The following EDA variants were observed in gnomAD, a reference collection of about 807,000 sequenced individuals.
EDA encodes ectodysplasin-A.
A neutral mutation model predicts 23.6 loss-of-function variants in EDA; 2 were observed. The observed-to-expected ratio is 0.08, with a 90% confidence interval of 0.03 to 0.27. The LOEUF is 0.27. Among genes scored for constraint, EDA ranks in the 10% least tolerant of loss-of-function variants. The pLI is 1.00. For synonymous variants in EDA, 131 were observed against 132.0 expected (o/e 0.99, Z 0.05); for missense variants, 229 against 324.2 (o/e 0.71, Z 2.26).
intron 1 of EDA, among the ~76,000 whole-genome samples, chrX:69,758,791 G>A (rs903513540): frequency 9.0e-6 from 1 of 111,393 alleles, no homozygotes; most frequent in African/African-American, 3.3e-5. Flanking sequence ...AGCCGAGATC[G>A]CACCAGTGCA....
intron 1 of EDA, among the ~76,000 whole-genome samples, chrX:69,875,258 G>A (rs1194137486): frequency 8.9e-6 from 1 of 111,934 alleles, no homozygotes; most frequent in African/African-American, 3.2e-5. Context: ...CACCAAAACA[G>A]CATGGTGCTG....
intron 1 of EDA, among the ~76,000 whole-genome samples, chrX:69,906,587 A>T (rs757491846): frequency 8.9e-6 from 1 of 112,229 alleles, no homozygotes; most frequent in Admixed American, 9.5e-5. Context: ...TGTGAGTGAC[A>T]CAGAATGCTG....
chrX:69,965,729 T>C lies in EDA; in HGVS notation c.502+8597T>C, dbSNP rs748891739. ...GTTGAACATGTGCATGTTCTACCAG[T>C]TTAAAATAAACAGATAAAATTTAAT... is the stretch of plus-strand genomic sequence containing the variant. On this transcript the variant is annotated intron_variant, in intron 2 of 7. Transcript: ENST00000374552. Among the ~76,000 whole-genome samples the C allele has an allele frequency of 3.6e-5, 4 of 112,252 alleles. No homozygotes were observed. In the Admixed American group the frequency reaches 3.8e-4, roughly 11 times the overall value.
intron 1 of EDA, among the ~76,000 whole-genome samples, chrX:69,903,619 A>G (rs1204730508): frequency 1.8e-5 from 2 of 108,785 alleles, no homozygotes; most frequent in African/African-American, 6.7e-5. Flanking sequence ...ACACACACAC[A>G]TATCTTGGGG....
At chrX:69,704,680 G>A (rs1156584863) in intron 1 of EDA, among the ~76,000 whole-genome samples, 1 of 110,775 alleles carries the variant, frequency 9.0e-6, no homozygotes, top group Non-Finnish European at 1.9e-5. Context: ...GGGGACTACT[G>A]TACTTAATAT....
intron 2 of EDA, among the ~76,000 whole-genome samples, chrX:69,976,744 A>C (rs781027766): frequency 9.6e-6 from 1 of 104,491 alleles, no homozygotes. Flanking sequence ...AAGAAATTCA[A>C]TGGAGGTAGC....
chrX:69,711,388 A>G (rs1209332501), intron 1 of EDA, among the ~76,000 whole-genome samples: 3 of 111,350 alleles, frequency 2.7e-5, no homozygotes, highest in Admixed American at 9.6e-5. Context: ...TGCTGGATTC[A>G]GTTTGCCAGT....
At chrX:69,620,892 A>G (rs1479636877) in intron 1 of EDA, 4 of 379,897 alleles carry the variant, frequency 1.1e-5, no homozygotes, top group South Asian at 2.4e-5. Context: ...TCTTTCTATA[A>G]CAGGCCTGTT....
At chrX:69,870,385 T>A (rs749284106) in intron 1 of EDA, among the ~76,000 whole-genome samples, 1 of 111,184 alleles carries the variant, frequency 9.0e-6, no homozygotes, top group African/African-American at 3.3e-5. Flanking sequence ...TGGGTCACAC[T>A]CTCAAACTTA....
At chrX:69,917,079 G>A (rs1442829983) in intron 1 of EDA, among the ~76,000 whole-genome samples, 2 of 110,515 alleles carry the variant, frequency 1.8e-5, no homozygotes, top group Non-Finnish European at 3.8e-5. Context: ...GGGATTACAG[G>A]TGCCTGCCAC....
At chrX:69,950,327 A>C (rs1440239901) in intron 1 of EDA, among the ~76,000 whole-genome samples, 23 of 91,193 alleles carry the variant, frequency 2.5e-4, no homozygotes, top group African/African-American at 9.5e-4. Flanking sequence ...GCAGCCAAAA[A>C]ACACATGAAA....
chrX:69,771,114 C>G (rs1263519922), intron 1 of EDA, among the ~76,000 whole-genome samples: 1 of 110,436 alleles, frequency 9.1e-6, no homozygotes, highest in East Asian at 2.8e-4. Context: ...TGGAGTGCAG[C>G]AGCACGATCT....
chrX:69,793,579 T>TTG (rs1243514512), intron 1 of EDA, among the ~76,000 whole-genome samples: 3 of 102,266 alleles, frequency 2.9e-5, no homozygotes, highest in Non-Finnish European at 5.9e-5. Context: ...TGTTTTTTTT[T>TTG]TTTTTTTTTT....
chrX:69,767,888 A>G (rs2014518098), intron 1 of EDA, among the ~76,000 whole-genome samples: 1 of 112,070 alleles, frequency 8.9e-6, no homozygotes, highest in South Asian at 3.7e-4. Context: ...TAGCCATTCT[A>G]GTAGATGTAC....
At chrX:69,702,450 A>G (rs770781636) in intron 1 of EDA, among the ~76,000 whole-genome samples, 222 of 110,698 alleles carry the variant, frequency 2.0e-3, no homozygotes, top group Non-Finnish European at 3.6e-3. Flanking sequence ...GTAGGAAAAG[A>G]AGTGGATACT....
intron 1 of EDA, among the ~76,000 whole-genome samples, chrX:69,775,316 A>C (rs1326837884): frequency 1.8e-5 from 2 of 111,579 alleles, no homozygotes; most frequent in Non-Finnish European, 1.9e-5. Context: ...ATCTGTTTTC[A>C]TACAACCACC....
At chrX:69,651,287 G>A (rs1933095631) in intron 1 of EDA, among the ~76,000 whole-genome samples, 1 of 111,869 alleles carries the variant, frequency 8.9e-6, no homozygotes, top group African/African-American at 3.2e-5. Context: ...TAGCTGATGT[G>A]TGGAAAAGGG....
intron 1 of EDA, among the ~76,000 whole-genome samples, chrX:69,682,346 C>T (rs1346647909): frequency 8.9e-6 from 1 of 112,702 alleles, no homozygotes; most frequent in African/African-American, 3.2e-5. Context: ...TGGTGGGCTC[C>T]ACCCAGTTGG....
chrX:69,753,617 A>T (rs754809083), intron 1 of EDA, among the ~76,000 whole-genome samples: 1 of 111,641 alleles, frequency 9.0e-6, no homozygotes, highest in African/African-American at 3.3e-5. Context: ...GCTGAATTCA[A>T]TTCCTGGATA....
Sources: gnomAD v4.1 joint callset for allele counts (sites outside exome capture counted in the v4.1 genomes callset) on GRCh38, gnomAD v4.1.1 for gene constraint, MANE v1.5 for transcripts, NCBI Gene and HGNC (gene_info 2026-07-23, HGNC 2026-07-21) for gene names.